The following RAD51B variants were observed in gnomAD, a reference collection of about 807,000 sequenced individuals.
The protein encoded by RAD51B is RAD51 paralog B, also known as DNA repair protein RAD51 homolog 2.
A neutral mutation model predicts 42.2 loss-of-function variants in RAD51B; 38 were observed. The observed-to-expected ratio is 0.90, with a 90% CI of 0.70 to 1.18. The LOEUF (loss-of-function observed/expected upper bound fraction) is 1.18, where lower values mean the gene tolerates loss of function less well. Among genes scored for constraint, RAD51B ranks in the 50% most tolerant of loss-of-function variants. The pLI is 0.00. For synonymous variants in RAD51B, 154 were observed against 145.2 expected (o/e 1.06, Z -0.43); for missense variants, 373 against 400.7 (o/e 0.93, Z 0.59).
At chr14:68,587,184 G>A (rs549750604) in intron 10 of RAD51B, among the ~76,000 whole-genome samples, 2 of 152,184 alleles carry the variant, frequency 1.3e-5, no homozygotes, top group East Asian at 1.9e-4. Context: ...ACACAAAAGA[G>A]GGGGAGAGTG....
intron 7 of RAD51B, among the ~76,000 whole-genome samples, chr14:67,962,047 C>T (rs2074680846): frequency 1.3e-5 from 2 of 152,066 alleles, no homozygotes; most frequent in African/African-American, 4.8e-5. Context: ...TAAGGAAGCA[C>T]ATCTGAGGAC....
intron 9 of RAD51B, among the ~76,000 whole-genome samples, chr14:68,419,511 C>T (rs1233853857): frequency 6.6e-6 from 1 of 152,084 alleles, no homozygotes; most frequent in East Asian, 1.9e-4. Context: ...TTCTTGAACC[C>T]AAATCTGAAT....
chr14:68,447,258 T>C (rs1369606506), intron 9 of RAD51B, among the ~76,000 whole-genome samples: 1 of 152,168 alleles, frequency 6.6e-6, no homozygotes, highest in Non-Finnish European at 1.5e-5. Flanking sequence ...TAGATCCTCA[T>C]AGTTACATAC....
chr14:68,457,042 A>G (rs2085713148), intron 9 of RAD51B, among the ~76,000 whole-genome samples: 1 of 151,536 alleles, frequency 6.6e-6, no homozygotes, highest in South Asian at 2.1e-4. Context: ...CCACCTGAGT[A>G]GCTGGGATTA....
chr14:68,325,827 A>G (rs1371350349), intron 8 of RAD51B, among the ~76,000 whole-genome samples: 1 of 152,020 alleles, frequency 6.6e-6, no homozygotes, highest in South Asian at 2.1e-4. Flanking sequence ...CACCCATAGC[A>G]CTGACCATCC....
At chr14:68,421,003 G>A (rs938524161) in intron 9 of RAD51B, among the ~76,000 whole-genome samples, 1 of 152,188 alleles carries the variant, frequency 6.6e-6, no homozygotes, top group Non-Finnish European at 1.5e-5. Flanking sequence ...TTTCCTGAAC[G>A]ATGATTAGAC....
Position 68,477,653 on chromosome 14 carries a change from G to A in RAD51B, c.1042G>A (p.Glu348Lys), listed in dbSNP as rs1287006939. The A allele has an allele frequency of 6.2e-7, 1 of 1,602,364 alleles. No homozygotes were observed. Among genetic ancestry groups the A allele is most frequent in the Non-Finnish European group, 8.5e-7 (1 of 1,174,374 alleles). The change falls in exon 11 of 11, where the codon GAG becomes AAG. Residue 348 changes from glutamate to lysine, a missense_variant. Physicochemically the swap from Glu to Lys is moderately conservative, Grantham distance 56 (BLOSUM62 1). Transcript: ENST00000471583. ...KEEGLVLQGQ[E>K]KP ...TTTTTTTTTTTTTCCTTTAGGCCAA[G>A]AGAAGCCATAGGGATACTGTGACCT...
intron 7 of RAD51B, among the ~76,000 whole-genome samples, chr14:67,933,361 T>G (rs1352086476): frequency 6.6e-6 from 1 of 152,142 alleles, no homozygotes; most frequent in East Asian, 1.9e-4. Flanking sequence ...GGCCTCTGAT[T>G]TCCAGGTCAG....
At chr14:67,962,496 A>C (rs1396845697) in intron 7 of RAD51B, among the ~76,000 whole-genome samples, 1 of 152,224 alleles carries the variant, frequency 6.6e-6, no homozygotes, top group Non-Finnish European at 1.5e-5. Context: ...ACAAGGAAGA[A>C]GTTTAGACTG....
chr14:68,057,821 T>TTG (rs140213534), intron 7 of RAD51B, among the ~76,000 whole-genome samples: 106,096 of 138,570 alleles, frequency 0.77, 41,238 homozygotes, highest in South Asian at 0.86. Context: ...TTTTAGTTCT[T>TTG]TGTGTGTGTG....
intron 9 of RAD51B, among the ~76,000 whole-genome samples, chr14:68,419,591 C>T (rs1309051062): frequency 6.6e-6 from 1 of 152,276 alleles, no homozygotes; most frequent in South Asian, 2.1e-4. Context: ...TCCTTATAGA[C>T]AACATCCTGC....
rs576058134 is a variant in RAD51B, at chr14:68,547,538, G to A, written c.1037-46947G>A. Reference sequence around the variant, plus strand: ...GAGCCCCGCTCACTCCTCAGCACCCGGGAGCATCACGGAATCTAAGGTGAA... The same window carrying A: ...GAGCCCCGCTCACTCCTCAGCACCCAGGAGCATCACGGAATCTAAGGTGAA... On this transcript the variant is annotated intron_variant, in intron 10 of 10. Coordinates refer to the RAD51B transcript ENST00000487270. Among the ~76,000 whole-genome samples the A allele has an allele frequency of 4.6e-5, 7 of 152,256 alleles. No homozygotes were observed. In the East Asian group the frequency reaches 5.8e-4, roughly 13 times the overall value.
At chr14:68,191,317 C>T (rs2079262782) in intron 7 of RAD51B, among the ~76,000 whole-genome samples, 1 of 152,210 alleles carries the variant, frequency 6.6e-6, no homozygotes, top group South Asian at 2.1e-4. Flanking sequence ...TTTATGGAAA[C>T]TTGAGCTTCT....
At chr14:68,273,149 G>C (rs1485947489) in intron 7 of RAD51B, among the ~76,000 whole-genome samples, 4 of 152,068 alleles carry the variant, frequency 2.6e-5, no homozygotes, top group Non-Finnish European at 4.4e-5. Context: ...TGATTATTTA[G>C]TGTAATGTAG....
intron 7 of RAD51B, among the ~76,000 whole-genome samples, chr14:68,244,959 A>G (rs1314918): frequency 0.2 from 30,458 of 152,206 alleles, 3,524 homozygotes; most frequent in Middle Eastern, 0.37. Flanking sequence ...GATGAATGGC[A>G]TGGTAGAAAA....
intron 7 of RAD51B, among the ~76,000 whole-genome samples, chr14:68,207,515 T>C (rs1425915826): frequency 4.6e-5 from 7 of 152,132 alleles, no homozygotes; most frequent in African/African-American, 1.7e-4. Flanking sequence ...AAAATACATC[T>C]AGAGTTTGCC....
intron 5 of RAD51B, among the ~76,000 whole-genome samples, chr14:67,872,790 C>T (rs2042587409): frequency 6.6e-6 from 1 of 150,838 alleles, no homozygotes; most frequent in Admixed American, 6.6e-5. Context: ...TGCCGCATAT[C>T]TACAACTATC....
chr14:68,595,555 C>T, exon 11 of RAD51B: 6 of 1,066,554 alleles, frequency 5.6e-6, no homozygotes, highest in Non-Finnish European at 5.7e-6. Flanking sequence ...TGACCAATGG[C>T]TTTTAAGGAA....
intron 10 of RAD51B, among the ~76,000 whole-genome samples, chr14:68,506,966 GTT>G (rs1302928225): frequency 4.6e-5 from 7 of 152,026 alleles, no homozygotes; most frequent in Non-Finnish European, 1.0e-4. Flanking sequence ...TGCTTGTGAA[GTT>G]CATTTCCTGT....
Sources: allele counts gnomAD v4.1 joint callset (sites outside exome capture counted in the v4.1 genomes callset), GRCh38; gene constraint gnomAD v4.1.1; transcripts MANE v1.5; gene names NCBI Gene and HGNC (gene_info 2026-07-23, HGNC 2026-07-21).